The following AP2A2 variants were observed in gnomAD, a reference collection of about 807,000 sequenced individuals.
The protein encoded by AP2A2 is AP-2 complex subunit alpha-2.
AP2A2 carries 32 observed loss-of-function variants against 104.2 expected under a neutral mutation model. The ratio of observed to expected loss-of-function variants is 0.31; its 90% CI spans 0.23 to 0.41. The LOEUF (loss-of-function observed/expected upper bound fraction) is 0.41, where lower values mean the gene tolerates loss of function less well. Ranked by LOEUF, AP2A2 falls within the 10% of genes least tolerant of loss-of-function variation. The pLI is 1.00. For synonymous variants in AP2A2, 539 were observed against 533.3 expected, an observed-to-expected ratio of 1.01 and a Z score of -0.15; for missense variants, 912 against 1,261.0, an observed-to-expected ratio of 0.72 and a Z score of 4.19.
At chr11:970,392 T>C (rs1470972011) in intron 3 of AP2A2, 81 bp downstream of exon 3, 5 of 1,542,156 alleles carry the variant, frequency 3.2e-6, no homozygotes, top group Admixed American at 1.9e-5. Flanking sequence ...GTAGGGCCGC[T>C]GCTTCCTTCT....
chr11:982,305 C>T (rs371619421), intron 6 of AP2A2, among the ~76,000 whole-genome samples: 1 of 152,210 alleles, frequency 6.6e-6, no homozygotes, highest in South Asian at 2.1e-4. Context: ...CCTGCTTTGG[C>T]CTCCCAAACT....
At chr11:972,802 A>G (rs1449573342) in intron 4 of AP2A2, among the ~76,000 whole-genome samples, 1 of 152,256 alleles carries the variant, frequency 6.6e-6, no homozygotes, top group Non-Finnish European at 1.5e-5. Flanking sequence ...CCCTGCCAGC[A>G]AAACCAAGAA....
Position 993,775 on chromosome 11 carries a change from G to C in AP2A2, c.1572G>C (p.Leu524=), listed in dbSNP as rs371130686. The change falls in exon 13 of 22, where the codon CTG becomes CTC. Residue 524 remains leucine, a synonymous_variant. Transcript: ENST00000448903. The surrounding 1 kb of genome is among the most constrained non-coding windows in gnomAD (Gnocchi z 8.2). ...PRSSPLIQFH[L]LHSKFHLCSV... ...CCAGCCCGCTGATCCAGTTCCACCT[G>C]CTGCACTCCAAGTTCCACCTGTGCA... The C allele has an allele frequency of 2.0e-4, 323 of 1,602,070 alleles. No homozygotes were observed. Among genetic ancestry groups the C allele is most frequent in the Non-Finnish European group, 2.7e-4 (312 of 1,177,074 alleles).
At position 986,809 on chromosome 11, in the gene AP2A2, C is replaced by T. The variant is rs906057011; in HGVS notation, c.987C>T (p.Ala329=). 5.0e-6 allele frequency: 8 copies of T among 1,613,344 alleles called. No individual in the cohort carries two copies. The African/African-American group carries it at 9.3e-5, about 19-fold the overall frequency. The part of the protein sequence containing the change: ...HDSEPNLLVR[A]CNQLGQFLQH... ...GTGAGCCGAACCTGCTCGTCCGTGC[C>T]TGCAACCAGTTGGGCCAGTTTCTGC... Residue 329 remains alanine (A), a synonymous_variant, in exon 9 of 22, where the codon GCC becomes GCT. Transcript: ENST00000448903.
chr11:960,129 G>T (rs557369756), intron 2 of AP2A2, among the ~76,000 whole-genome samples: 8 of 152,290 alleles, frequency 5.3e-5, no homozygotes, highest in Admixed American at 5.2e-4. Flanking sequence ...AGAGGGCTGA[G>T]CCTGACCCCT....
intron 1 of AP2A2, among the ~76,000 whole-genome samples, chr11:940,319 T>G (rs1009115341): frequency 4.6e-5 from 7 of 152,224 alleles, no homozygotes; most frequent in Admixed American, 4.6e-4. Context: ...ATCTGGAAAC[T>G]TATGTCTTTT....
intron 2 of AP2A2, among the ~76,000 whole-genome samples, chr11:966,797 CA>C (rs1304279920): frequency 6.6e-6 from 1 of 152,144 alleles, no homozygotes; most frequent in Non-Finnish European, 1.5e-5. Context: ...TCCCAACTTT[CA>C]GGTCAAGAGA....
intron 8 of AP2A2, 148 bp from the exon 9 acceptor site, chr11:986,637 C>G: frequency 1.0e-6 from 1 of 998,868 alleles, no homozygotes; most frequent in Non-Finnish European, 1.5e-6. Context: ...TGGGGAGGCC[C>G]CCGAGTTCCC....
chr11:963,051 GA>G (rs1271383446), intron 2 of AP2A2, among the ~76,000 whole-genome samples: 1 of 151,686 alleles, frequency 6.6e-6, no homozygotes, highest in Non-Finnish European at 1.5e-5. Context: ...CAGCCTCATT[GA>G]AAAAAAGTAA....
intron 14 of AP2A2, among the ~76,000 whole-genome samples, chr11:998,155 C>T (rs993606299): frequency 5.3e-5 from 8 of 152,208 alleles, no homozygotes; most frequent in African/African-American, 7.2e-5. Context: ...CATCGAGACA[C>T]GCCTTGGATA....
At chr11:951,450 C>T (rs1854051562) in intron 1 of AP2A2, among the ~76,000 whole-genome samples, 1 of 152,008 alleles carries the variant, frequency 6.6e-6, no homozygotes, top group Admixed American at 6.6e-5. Context: ...TTGCTTGAAC[C>T]TGGGAGGTGG....
chr11:930,120 CA>C (rs1157025547), intron 1 of AP2A2, among the ~76,000 whole-genome samples: 5,009 of 52,100 alleles, frequency 0.096, 35 homozygotes, highest in South Asian at 0.17. Flanking sequence ...GACTCTGTCT[CA>C]AAAAAAAAAA....
Position 959,508 on chromosome 11 carries a change from A to G in AP2A2, c.136+3A>G. 6.5e-7 allele frequency: 1 copy of G among 1,532,538 alleles called. No homozygotes were observed. Among genetic ancestry groups the G allele is most frequent in the Non-Finnish European group, 9.0e-7 (1 of 1,111,470 alleles). The allele number at this position is 1,532,538 out of a possible 1,614,324, so 94.9% of individuals were successfully genotyped here. A position where few individuals can be genotyped will look rare whatever the true frequency, so the allele number is the denominator to read the frequency against. ...AAATATCAGATCAAAATTTAAAGGT[A>G]AGTATGTTTAACCTTTTCCATGAAA... On this transcript the variant is annotated splice_donor_region_variant and intron_variant, in intron 2 of 21. Transcript: ENST00000448903.
chr11:959,831 G>A lies in AP2A2; in HGVS notation c.136+326G>A, dbSNP rs529537218. 4.6e-5 allele frequency among the ~76,000 whole-genome samples: 7 copies of A among 152,140 alleles called. No individual in the cohort carries two copies. In the South Asian group the frequency reaches 1.0e-3, roughly 23 times the overall value. On this transcript the variant is annotated intron_variant, in intron 2 of 21. Transcript: ENST00000448903. The stretch of plus-strand genomic sequence containing the variant: ...GTACGGGAAGTGCTCTGTGTAAGGC[G>A]CCACCGAACGCCTCCTGCTGACGGT...
chr11:933,814 G>A (rs1309613334), intron 1 of AP2A2, among the ~76,000 whole-genome samples: 2 of 152,168 alleles, frequency 1.3e-5, no homozygotes, highest in African/African-American at 2.4e-5. Flanking sequence ...AGCTTTGCAC[G>A]CTTTTTCCTG....
At chr11:937,768 C>T (rs540196378) in intron 1 of AP2A2, among the ~76,000 whole-genome samples, 2 of 152,196 alleles carry the variant, frequency 1.3e-5, no homozygotes, top group Admixed American at 6.5e-5. Context: ...CTACTGAGTG[C>T]GTGTTGCTTT....
intron 14 of AP2A2, among the ~76,000 whole-genome samples, chr11:996,617 T>C (rs1855865149): frequency 2.0e-5 from 3 of 152,290 alleles, no homozygotes; most frequent in Admixed American, 1.3e-4. Context: ...TGGAAGCTTC[T>C]GGACCCTGGG....
chr11:928,670 G>A (rs571062501), intron 1 of AP2A2, among the ~76,000 whole-genome samples: 7 of 152,242 alleles, frequency 4.6e-5, no homozygotes, highest in East Asian at 3.8e-4. Flanking sequence ...GTTGTCCGCC[G>A]TCGAGAACCA....
chr11:973,106 C>T (rs1365169335), intron 4 of AP2A2, among the ~76,000 whole-genome samples: 1 of 152,244 alleles, frequency 6.6e-6, no homozygotes, highest in African/African-American at 2.4e-5. Context: ...CGGTGCCACC[C>T]GGCTGAGCTA....
Sources: allele counts gnomAD v4.1 joint callset (sites outside exome capture counted in the v4.1 genomes callset), GRCh38; gene constraint gnomAD v4.1.1; non-coding constraint Gnocchi (gnomAD v3.1); transcripts MANE v1.5; gene names NCBI Gene and HGNC (gene_info 2026-07-23, HGNC 2026-07-21).